Variants in FLG observed in about 807,000 individuals in gnomAD.
FLG encodes the protein epidermal filaggrin.
Under a neutral mutation model 3.8 loss-of-function variants are expected in FLG, and 6 were observed. That is an observed-to-expected ratio of 1.60 (90% CI 0.87 to 3.15). The LOEUF (loss-of-function observed/expected upper bound fraction) is 3.15, where lower values mean the gene tolerates loss of function less well. Among genes scored for constraint, FLG ranks in the 30% most tolerant of loss-of-function variants. The pLI, the probability that FLG is intolerant of heterozygous loss-of-function variation, is 0.00. For missense variants in FLG, 7,595 were observed against 5,050.9 expected, an observed-to-expected ratio of 1.50 and a Z score of -15.27; for synonymous variants, 2,551 against 1,931.6, an observed-to-expected ratio of 1.32 and a Z score of -8.41.
chr1:152,304,833 G>C lies in FLG; in HGVS notation c.10053C>G (p.Asp3351Glu). 6.2e-7 allele frequency: 1 copy of C among 1,613,792 alleles called. No individual in the cohort carries two copies. Among genetic ancestry groups the C allele is most frequent in the Non-Finnish European group, 8.5e-7 (1 of 1,179,888 alleles). Residue 3351 changes from aspartate to glutamate, a missense_variant, in exon 3 of 3, where the codon GAC becomes GAG. By Grantham distance (45) the Asp-to-Glu change is conservative. Coordinates refer to ENST00000368799, the MANE Select transcript of FLG (RefSeq NM_002016.2). The part of the protein sequence containing the change: ...SDSEGHSEES[D>E]TQSVSGHGQA... ...GTCCATGGCCTGACACTGACTGTGTGTCTGACTCTTCTGAATGTCCCTCAC... is the reference window on the plus strand; with the variant it reads ...GTCCATGGCCTGACACTGACTGTGTCTCTGACTCTTCTGAATGTCCCTCAC...
rs1479923606 is a variant in FLG, at chr1:152,309,821, C to A, written c.5065G>T (p.Ala1689Ser). 6.2e-7 allele frequency: 1 copy of A among 1,613,932 alleles called. No individual in the cohort carries two copies. The highest frequency in any genetic ancestry group is 8.5e-7 in the Non-Finnish European group (1 of 1,180,018). ...ERHGSRHQQSADSSTDSGTGR... is the reference protein window; with the variant it reads ...ERHGSRHQQSSDSSTDSGTGR... ...GTGCCTGAGTCTGTGGAGCTGTCTG[C>A]TGACTGCTGGTGGCGGGATCCATGT... Residue 1689 changes from alanine to serine, a missense_variant, in exon 3 of 3, where the codon GCA becomes TCA. Ala to Ser is a moderately conservative substitution (Grantham distance 99). Transcript: ENST00000368799.
At position 152,311,278 on chromosome 1, in the gene FLG, C is replaced by T. The variant is rs763458538; in HGVS notation, c.3608G>A (p.Arg1203Lys). 6.2e-7 allele frequency: 1 copy of T among 1,613,842 alleles called. No individual in the cohort carries two copies. The highest frequency in any genetic ancestry group is 1.1e-5 in the South Asian group (1 of 91,064). ...SHHSHTTSQG[R>K]SDASHGQSGS... ...TGACTGCCCATGGGAGGCATCAGAC[C>T]TTCCCTGGGATGTGGTGTGGCTGTG... is the stretch of plus-strand genomic sequence containing the variant. Residue 1203 changes from arginine (R) to lysine (K), a missense_variant, in exon 3 of 3, where the codon AGG (arginine) becomes AAG (lysine). Coordinates refer to ENST00000368799, the MANE Select transcript of FLG (RefSeq NM_002016.2).
Position 152,307,459 on chromosome 1 carries a change from G to T in FLG, c.7427C>A (p.Ser2476Tyr), listed in dbSNP as rs780111314. 19 of 1,613,064 alleles carry T rather than the reference G, an allele frequency of 1.2e-5. No individual in the cohort carries two copies. The highest frequency in any genetic ancestry group is 3.3e-4 in the Middle Eastern group (2 of 6,076). Residue 2476 changes from serine (S) to tyrosine (Y), a missense_variant, in exon 3 of 3, where the codon TCC becomes TAC. Coordinates refer to ENST00000368799, the MANE Select transcript of FLG (RefSeq NM_002016.2). ...PGSSSGGRQG[S>Y]HYEQLVDRSG... Reference sequence around the variant, plus strand: ...TCTATCTACCAATTGCTCGTAGTGGGATCCCTGCCTTCCTCCACTGCTTGA... The same window carrying T: ...TCTATCTACCAATTGCTCGTAGTGGTATCCCTGCCTTCCTCCACTGCTTGA...
rs533186028 is a variant in FLG at position 152,309,942 on chromosome 1, C to G, written c.4944G>C (p.Glu1648Asp). 4.4e-5 allele frequency: 71 copies of G among 1,614,022 alleles called. No homozygotes were observed. In the East Asian group the frequency reaches 9.6e-4, roughly 22 times the overall value. Residue 1648 changes from glutamate to aspartate, a missense_variant, in exon 3 of 3, where the codon GAG becomes GAC. Coordinates refer to ENST00000368799, the MANE Select transcript of FLG (RefSeq NM_002016.2). ...GACGAGTGCCTGATTGTCTGGAGCTCTCTGCAGAGTGCCCATGACTGGCTC... is the reference window on the plus strand; with the variant it reads ...GACGAGTGCCTGATTGTCTGGAGCTGTCTGCAGAGTGCCCATGACTGGCTC... ...EDRASHGHSA[E>D]SSRQSGTRHA...
rs202164130 is a variant in FLG at position 152,311,224 on chromosome 1, C to A, written c.3662G>T (p.Arg1221Leu). 6.2e-7 allele frequency: 1 copy of A among 1,613,402 alleles called. No individual in the cohort carries two copies. Among genetic ancestry groups the A allele is most frequent in the Non-Finnish European group, 8.5e-7 (1 of 1,179,896 alleles). ...GCCGTCTCCTGATTGTTTGTCCTTA[C>A]GAGTTTGTCTGCTTGCACTTCTGGA... Reference protein sequence around the residue: ...SGSRSASRQTRKDKQSGDGSR... With the variant: ...SGSRSASRQTLKDKQSGDGSR... Residue 1221 changes from arginine to leucine, a missense_variant, in exon 3 of 3, where the codon CGT becomes CTT. Transcript: ENST00000368799.
rs1652828294 is a variant in FLG, at chr1:152,317,557, C to A, written c.-21-2080G>T. Among the ~76,000 whole-genome samples, 4 of 152,154 alleles carry A rather than the reference C, an allele frequency of 2.6e-5. No homozygotes were observed. In the South Asian group the frequency reaches 8.3e-4, roughly 32 times the overall value. ...CACTCTCAAGTTTCTCCTCCAACCTCAATGGCCACTTTTTTCTTAGCCTCC... is the reference window on the plus strand; with the variant it reads ...CACTCTCAAGTTTCTCCTCCAACCTAAATGGCCACTTTTTTCTTAGCCTCC... On this transcript the variant is annotated intron_variant, in intron 1 of 2. Coordinates refer to ENST00000368799, the MANE Select transcript of FLG (RefSeq NM_002016.2).
At position 152,309,987 on chromosome 1, in the gene FLG, G is replaced by C; in HGVS notation, c.4899C>G (p.Pro1633=). The part of the protein sequence containing the change: ...REQSRHGSRN[P]RSHQEDRASH... ...TGGCTCTATCTTCTTGATGGGACCT[G>C]GGGTTCCTGGAGCCATGTCTTGACT... Residue 1633 remains proline (P), a synonymous_variant, in exon 3 of 3, where the codon CCC becomes CCG. Transcript: ENST00000368799. The C allele has an allele frequency of 6.2e-7, 1 of 1,613,948 alleles. No homozygotes were observed. Among genetic ancestry groups the C allele is most frequent in the Middle Eastern group, 1.7e-4 (1 of 6,060 alleles).
In FLG at chr1:152,312,939, A is replaced by C. The variant is rs536980328; in HGVS notation, c.1947T>G (p.Ala649=). ...GSASRNHHGS[A]QEQSRDGSRH... ...TGGAGCCATCTCTTGACTGCTCCTG[A>C]GCAGATCCATGATGGTTTCTGGAAG... Residue 649 remains alanine (A), a synonymous_variant, in exon 3 of 3, where the codon GCT becomes GCG. Transcript: ENST00000368799. 1.9e-6 allele frequency: 3 copies of C among 1,613,802 alleles called. No homozygotes were observed. In the African/African-American group the frequency reaches 4.0e-5, roughly 22 times the overall value.
chr1:152,313,095 G>A lies in FLG; in HGVS notation c.1791C>T (p.Ser597=), dbSNP rs112462459. 1.1e-3 allele frequency: 1,727 copies of A among 1,613,920 alleles called. 32 individuals carry two copies. In the East Asian group the frequency reaches 0.031, roughly 29 times the overall value. ...CCTGGCCCACCTGTGAGTGTCTAGA[G>A]CTGTCAGCCTGAGAGGAAGCTTCAT... ...RHHEASSQAD[S]SRHSQVGQGQ... is the part of the protein sequence containing the mutation. The change falls in exon 3 of 3, where the codon AGC becomes AGT. Residue 597 remains serine, a synonymous_variant. Transcript: ENST00000368799.
rs376213213 is a variant in FLG, at chr1:152,310,548, G to C, written c.4338C>G (p.Ser1446Arg). 1.9e-6 allele frequency: 3 copies of C among 1,613,870 alleles called. No individual in the cohort carries two copies. Among genetic ancestry groups the C allele is most frequent in the Non-Finnish European group, 2.5e-6 (3 of 1,179,936 alleles). Residue 1446 changes from serine (S) to arginine (R), a missense_variant, in exon 3 of 3, where the codon AGC becomes AGG. Coordinates refer to ENST00000368799, the MANE Select transcript of FLG (RefSeq NM_002016.2). ...GTGTGGACTCAGACTGTTCATGAGAGCTCACCTGGTAGAGGAAAGACCTTG... is the reference window on the plus strand; with the variant it reads ...GTGTGGACTCAGACTGTTCATGAGACCTCACCTGGTAGAGGAAAGACCTTG... ...GRSRSFLYQV[S>R]SHEQSESTHG...
In FLG at chr1:152,304,653, T is replaced by C; in HGVS notation, c.10233A>G (p.Gln3411=). The change falls in exon 3 of 3, where the codon CAA becomes CAG. Residue 3411 remains glutamine (Q), a synonymous_variant. Coordinates refer to ENST00000368799, the MANE Select transcript of FLG (RefSeq NM_002016.2). ...CTCGTGCCTGCTCGTGGTGGGATCC[T>C]TGTCTTCGTCCAGTGCTGGTCCTGG... ...GRTRTSTGRR[Q]GSHHEQARDS... The C allele has an allele frequency of 6.2e-7, 1 of 1,611,964 alleles. No individual in the cohort carries two copies. The highest frequency in any genetic ancestry group is 8.5e-7 in the Non-Finnish European group (1 of 1,179,108).
rs764227250 is a variant in FLG at position 152,308,122 on chromosome 1, T to A, written c.6764A>T (p.Asp2255Val). The A allele has an allele frequency of 1.9e-6, 3 of 1,613,948 alleles. No homozygotes were observed. The highest frequency in any genetic ancestry group is 1.6e-4 in the Middle Eastern group (1 of 6,062). The stretch of plus-strand genomic sequence containing the variant: ...CGCAGACCCAGACCGCCTCTCAGAA[T>A]CTTCTGAGTGTCCCTCACTGTCACT... ...QDSDSEGHSE[D>V]SERRSGSASR... is the part of the protein sequence containing the mutation. Residue 2255 changes from aspartate to valine, a missense_variant, in exon 3 of 3, where the codon GAT becomes GTT. Coordinates refer to ENST00000368799, the MANE Select transcript of FLG (RefSeq NM_002016.2).
rs368344924 is a variant in FLG at position 152,315,406 on chromosome 1, T to C, written c.51A>G (p.Gln17=). The C allele has an allele frequency of 7.1e-5, 115 of 1,611,792 alleles. No homozygotes were observed. The highest frequency in any genetic ancestry group is 9.4e-5 in the Non-Finnish European group (111 of 1,178,794). The change falls in exon 2 of 3, where the codon CAA becomes CAG. Residue 17 remains glutamine, a synonymous_variant. Coordinates refer to ENST00000368799, the MANE Select transcript of FLG (RefSeq NM_002016.2). ...NIFAIINLFK[Q]YSKKDKNTDT... ...CAGTGTTTTTATCTTTTTTTGAATA[T>C]TGCTTGAAAAGATTAATTATGGCAA...
Position 152,315,442 on chromosome 1 carries a change from C to T in FLG, c.15G>A (p.Leu5=), listed in dbSNP as rs757323377. 7 of 1,611,686 alleles carry T rather than the reference C, an allele frequency of 4.3e-6. No homozygotes were observed. The Admixed American group carries it at 1.0e-4, about 23-fold the overall frequency. MSTL[L]ENIFAIINLF... ...GATTAATTATGGCAAAGATGTTTTC[C>T]AGGAGAGTAGACATCTTTTGGCAAT... Residue 5 remains leucine (L), a synonymous_variant, in exon 2 of 3, where the codon CTG becomes CTA. Transcript: ENST00000368799.
rs1328366368 is a variant in FLG, at chr1:152,313,796, A to T, written c.1090T>A (p.Ser364Thr). The T allele has an allele frequency of 1.2e-6, 2 of 1,613,952 alleles. No homozygotes were observed. The highest frequency in any genetic ancestry group is 1.3e-5 in the African/African-American group (1 of 74,900). ...GATGATGCAGTCTGTCCACGAGAGG[A>T]AGTCTCTGCGTGACGAGTGCCTGAT... ...RQSGTRHAET[S>T]SRGQTASSHE... Residue 364 changes from serine to threonine, a missense_variant, in exon 3 of 3, where the codon TCC becomes ACC. Ser to Thr is a moderately conservative substitution (Grantham distance 58, BLOSUM62 1). Transcript: ENST00000368799.
rs12750571 is a variant in FLG at position 152,310,577 on chromosome 1, G to T, written c.4309C>A (p.Arg1437Ser). Residue 1437 changes from arginine to serine, a missense_variant, in exon 3 of 3, where the codon CGT becomes AGT. By Grantham distance (110) the Arg-to-Ser change is moderately radical. Transcript: ENST00000368799. ...ACCTGGTAGAGGAAAGACCTTGAACGTCCAGAGCTTTCCCCTGACTGGCCA... is the reference window on the plus strand; with the variant it reads ...ACCTGGTAGAGGAAAGACCTTGAACTTCCAGAGCTTTCCCCTGACTGGCCA... Reference protein sequence around the residue: ...ARGQSGESSGRSRSFLYQVSS... With the variant: ...ARGQSGESSGSSRSFLYQVSS... 3.5e-5 allele frequency: 57 copies of T among 1,613,784 alleles called. No individual in the cohort carries two copies. The highest frequency in any genetic ancestry group is 3.3e-4 in the Middle Eastern group (2 of 6,084).
Position 152,309,969 on chromosome 1 carries a change from A to C in FLG, c.4917T>G (p.Asp1639Glu), listed in dbSNP as rs752654274. Reference sequence around the variant, plus strand: ...CTGCAGAGTGCCCATGACTGGCTCTATCTTCTTGATGGGACCTGGGGTTCC... The same window carrying C: ...CTGCAGAGTGCCCATGACTGGCTCTCTCTTCTTGATGGGACCTGGGGTTCC... Reference protein sequence around the residue: ...GSRNPRSHQEDRASHGHSAES... With the variant: ...GSRNPRSHQEERASHGHSAES... Residue 1639 changes from aspartate (D) to glutamate (E), a missense_variant, in exon 3 of 3, where the codon GAT becomes GAG. Physicochemically the swap from Asp to Glu is conservative, Grantham distance 45 (BLOSUM62 2). Transcript: ENST00000368799. 7.4e-6 allele frequency: 12 copies of C among 1,613,816 alleles called. No individual in the cohort carries two copies. The highest frequency in any genetic ancestry group is 1.0e-5 in the Non-Finnish European group (12 of 1,179,962).
At position 152,309,796 on chromosome 1, in the gene FLG, G is replaced by A. The variant is rs768193909; in HGVS notation, c.5090C>T (p.Thr1697Ile). ...QSADSSTDSG[T>I]GRRQDSSVVG... ...TACAGATGAATCTTGTCTGCGCCCA[G>A]TGCCTGAGTCTGTGGAGCTGTCTGC... Residue 1697 changes from threonine to isoleucine, a missense_variant, in exon 3 of 3, where the codon ACT (threonine) becomes ATT (isoleucine). Thr to Ile is a moderately conservative substitution (Grantham distance 89). Coordinates refer to ENST00000368799, the MANE Select transcript of FLG (RefSeq NM_002016.2). 2.5e-6 allele frequency: 4 copies of A among 1,613,878 alleles called. No homozygotes were observed. The highest frequency in any genetic ancestry group is 1.3e-5 in the African/African-American group (1 of 74,860).
In FLG at chr1:152,307,712, G is replaced by A. The variant is rs1397367753; in HGVS notation, c.7174C>T (p.His2392Tyr). ...SVSAHGQAGP[H>Y]QQSHQESTRG... ...GTGGACTCTTGGTGGCTCTGCTGAT[G>A]GGGCCCAGCCTGTCCGTGGGCTGAC... Residue 2392 changes from histidine (H) to tyrosine (Y), a missense_variant, in exon 3 of 3, where the codon CAT becomes TAT. By Grantham distance (83) the His-to-Tyr change is moderately conservative (BLOSUM62 2). Coordinates refer to ENST00000368799, the MANE Select transcript of FLG (RefSeq NM_002016.2). The A allele has an allele frequency of 2.5e-5, 40 of 1,613,088 alleles. No individual in the cohort carries two copies. The highest frequency in any genetic ancestry group is 3.1e-5 in the Non-Finnish European group (37 of 1,179,844).
Sources: allele counts gnomAD v4.1 joint callset (sites outside exome capture counted in the v4.1 genomes callset), GRCh38; gene constraint gnomAD v4.1.1; transcripts MANE v1.5; gene names NCBI Gene and HGNC (gene_info 2026-07-23, HGNC 2026-07-21).